ROCK2: variants seen among roughly 807,000 people sequenced by gnomAD.
ROCK2 encodes rho-associated protein kinase 2.
Under a neutral mutation model 195.1 loss-of-function variants are expected in ROCK2, and 61 were observed. That is an observed-to-expected ratio of 0.31 (90% CI 0.25 to 0.39). The LOEUF (loss-of-function observed/expected upper bound fraction) is 0.39. Among genes scored for constraint, ROCK2 ranks in the 10% least tolerant of loss-of-function variants. The pLI is 1.00. For missense variants in ROCK2, 1,109 were observed against 1,637.4 expected, an observed-to-expected ratio of 0.68 and a Z score of 5.57; for synonymous variants, 504 against 545.5, an observed-to-expected ratio of 0.92 and a Z score of 1.06.
intron 1 of ROCK2, among the ~76,000 whole-genome samples, chr2:11,336,873 G>A (rs1420224189): frequency 6.6e-6 from 1 of 152,190 alleles, no homozygotes; most frequent in Non-Finnish European, 1.5e-5. Flanking sequence ...AAGCAAAGGA[G>A]AATATCTTCA....
intron 1 of ROCK2, among the ~76,000 whole-genome samples, chr2:11,336,885 G>A (rs954279878): frequency 4.5e-4 from 68 of 152,232 alleles, no homozygotes; most frequent in Non-Finnish European, 7.4e-5. Flanking sequence ...ATATCTTCAC[G>A]ACATGAGGAT....
intron 1 of ROCK2, among the ~76,000 whole-genome samples, chr2:11,340,544 C>T (rs1008021568): frequency 1.3e-5 from 2 of 151,836 alleles, no homozygotes; most frequent in African/African-American, 4.8e-5. Flanking sequence ...ACTATAAATG[C>T]CAAACTCTTC....
At chr2:11,334,979 T>C (rs1668879814) in intron 1 of ROCK2, among the ~76,000 whole-genome samples, 1 of 152,082 alleles carries the variant, frequency 6.6e-6, no homozygotes, top group African/African-American at 2.4e-5. Flanking sequence ...TTTAGATATC[T>C]GAACAAACAG....
intron 1 of ROCK2, among the ~76,000 whole-genome samples, chr2:11,293,479 C>T (rs563991084): frequency 6.6e-6 from 1 of 152,260 alleles, no homozygotes; most frequent in South Asian, 2.1e-4. Flanking sequence ...AAGAAACTTT[C>T]CTAGGGCAAA....
chr2:11,188,418 T>C (rs1404937353), intron 32 of ROCK2, among the ~76,000 whole-genome samples: 1 of 151,682 alleles, frequency 6.6e-6, no homozygotes. Flanking sequence ...CCCAGACTGG[T>C]ATATTTTTAT....
In ROCK2 at chr2:11,235,166, G is replaced by A. The variant is rs1387737117; in HGVS notation, c.723+536C>T. 2.0e-5 allele frequency among the ~76,000 whole-genome samples: 3 copies of A among 152,086 alleles called. No homozygotes were observed. Among genetic ancestry groups the A allele is most frequent in the Non-Finnish European group, 4.4e-5 (3 of 67,968 alleles). ...AATCAGTATCATAATTAGCTACGAG[G>A]TTAATGCCACTGAACCTATCAATCA... On this transcript the variant is annotated intron_variant, in intron 5 of 32. Transcript: ENST00000315872. This position sits in a 1 kb window ranked among gnomAD's most constrained non-coding sequence, Gnocchi z 4.2.
At chr2:11,184,267 T>C (rs1243986738) in intron 32 of ROCK2, among the ~76,000 whole-genome samples, 6 of 152,172 alleles carry the variant, frequency 3.9e-5, no homozygotes, top group Non-Finnish European at 8.8e-5. Context: ...AAGTTGGAAA[T>C]AAAAGGAGAG....
chr2:11,208,163 A>C, intron 19 of ROCK2, 124 bp downstream of exon 19: 2 of 550,808 alleles, frequency 3.6e-6, no homozygotes, highest in East Asian at 7.1e-5. Context: ...AAATTTAGTT[A>C]AACCAACAGG....
intron 4 of ROCK2, among the ~76,000 whole-genome samples, chr2:11,243,009 G>C (rs1490188479): frequency 2.0e-5 from 3 of 152,100 alleles, no homozygotes; most frequent in Non-Finnish European, 1.5e-5. Context: ...TCACTTTCTA[G>C]TGCCTGGGAC....
At chr2:11,273,544 TA>T (rs1666722220) in intron 3 of ROCK2, among the ~76,000 whole-genome samples, 1 of 152,176 alleles carries the variant, frequency 6.6e-6, no homozygotes, top group African/African-American at 2.4e-5. Context: ...AGCTCTATAA[TA>T]ATAGTTGGAG....
chr2:11,284,729 C>T (rs956117858), intron 3 of ROCK2, among the ~76,000 whole-genome samples: 1 of 152,168 alleles, frequency 6.6e-6, no homozygotes, highest in Non-Finnish European at 1.5e-5. Flanking sequence ...TGCCTGCTTA[C>T]AATCCAAGGA....
intron 1 of ROCK2, among the ~76,000 whole-genome samples, chr2:11,333,992 A>G (rs1286710004): frequency 1.2e-4 from 19 of 152,232 alleles, no homozygotes. Context: ...CTGTTTCACA[A>G]CAATCCGGAA....
chr2:11,337,193 C>T lies in ROCK2; in HGVS notation c.141+6803G>A, dbSNP rs965823263. On this transcript the variant is annotated intron_variant, in intron 1 of 32. Coordinates refer to ENST00000315872, the MANE Select transcript of ROCK2 (RefSeq NM_004850.5). ...CCATGAGGTGGAGGTTACAGTGAAC[C>T]GAGATTGTGCCACTGCACTCCAGCC... 6.0e-5 allele frequency among the ~76,000 whole-genome samples: 9 copies of T among 150,816 alleles called. No homozygotes were observed. The South Asian group carries it at 1.3e-3, about 21-fold the overall frequency.
intron 1 of ROCK2, 58 bp downstream of exon 1, chr2:11,343,938 G>C (rs529196769): frequency 2.0e-5 from 31 of 1,546,322 alleles, no homozygotes; most frequent in Non-Finnish European, 2.7e-5. Flanking sequence ...GGGCTGGGCG[G>C]AGAGGGGATC....
intron 18 of ROCK2, 41 bp from the exon 19 acceptor site, chr2:11,208,488 A>G (rs1341984714): frequency 1.5e-6 from 1 of 682,412 alleles, no homozygotes; most frequent in Non-Finnish European, 2.1e-6. Flanking sequence ...ATTTACAAAT[A>G]AAAGAAGCAT....
intron 3 of ROCK2, among the ~76,000 whole-genome samples, chr2:11,262,926 T>A (rs1019680426): frequency 6.6e-6 from 1 of 152,158 alleles, no homozygotes; most frequent in Non-Finnish European, 1.5e-5. Flanking sequence ...GAAGATCCAA[T>A]GAATCTACTT....
At chr2:11,342,457 G>A (rs1490896338) in intron 1 of ROCK2, among the ~76,000 whole-genome samples, 1 of 152,144 alleles carries the variant, frequency 6.6e-6, no homozygotes, top group Non-Finnish European at 1.5e-5. Flanking sequence ...TAATAATTAT[G>A]ATTAATATCA....
At chr2:11,276,533 A>G (rs1401457653) in intron 3 of ROCK2, among the ~76,000 whole-genome samples, 3 of 152,184 alleles carry the variant, frequency 2.0e-5, no homozygotes, top group African/African-American at 7.2e-5. Context: ...AGTAAATGGA[A>G]CCCAGTCCCT....
In ROCK2 at chr2:11,214,417, T is replaced by C; in HGVS notation, c.1983A>G (p.Leu661=). The change falls in exon 17 of 33, where the codon TTA becomes TTG. Residue 661 remains leucine, a synonymous_variant. Transcript: ENST00000315872. The part of the protein sequence containing the change: ...LEEDLKNGKI[L]LAKVELEKRQ... ...TCTTCTCCAGTTCTACTTTCGCTAG[T>C]AAGATTTTGCCGTTCTTTAAATCTT... The C allele has an allele frequency of 1.9e-6, 3 of 1,611,496 alleles. No homozygotes were observed. The highest frequency in any genetic ancestry group is 2.5e-6 in the Non-Finnish European group (3 of 1,178,182).
Sources: allele counts gnomAD v4.1 joint callset (sites outside exome capture counted in the v4.1 genomes callset), GRCh38; gene constraint gnomAD v4.1.1; non-coding constraint Gnocchi (gnomAD v3.1); transcripts MANE v1.5; gene names NCBI Gene and HGNC (gene_info 2026-07-23, HGNC 2026-07-21).